The following PPP1R9A variants were observed in gnomAD, a reference collection of about 807,000 sequenced individuals.
PPP1R9A encodes the protein neurabin-1.
A neutral mutation model predicts 141.9 loss-of-function variants in PPP1R9A; 59 were observed. The observed-to-expected ratio is 0.42, with a 90% CI of 0.34 to 0.52. The LOEUF (loss-of-function observed/expected upper bound fraction) is 0.52, where lower values mean the gene tolerates loss of function less well. Ranked by LOEUF, PPP1R9A falls within the 20% of genes least tolerant of loss-of-function variation. The pLI, the probability that PPP1R9A is intolerant of heterozygous loss-of-function variation, is 0.10. For synonymous variants in PPP1R9A, 500 were observed against 569.7 expected, an observed-to-expected ratio of 0.88 and a Z score of 1.74; for missense variants, 1,444 against 1,611.9, an observed-to-expected ratio of 0.90 and a Z score of 1.78.
At chr7:95,234,100 A>G (rs989666632) in intron 8 of PPP1R9A, among the ~76,000 whole-genome samples, 17 of 152,146 alleles carry the variant, frequency 1.1e-4, no homozygotes, top group African/African-American at 4.1e-4. Flanking sequence ...AGTTGAAAGC[A>G]TTCCCCGTGA....
intron 4 of PPP1R9A, among the ~76,000 whole-genome samples, chr7:95,122,331 G>T (rs1318107653): frequency 6.6e-6 from 1 of 152,044 alleles, no homozygotes; most frequent in East Asian, 1.9e-4. Flanking sequence ...ATTTTTAGTA[G>T]AGACGGGGTT....
Position 95,226,038 on chromosome 7 carries a change from C to T in PPP1R9A, c.2034C>T (p.Val678=), listed in dbSNP as rs1388336871. The T allele has an allele frequency of 6.2e-7, 1 of 1,613,542 alleles. No individual in the cohort carries two copies. Among genetic ancestry groups the T allele is most frequent in the Non-Finnish European group, 8.5e-7 (1 of 1,179,716 alleles). ...CTGGCAGCGACATGGCCATTGAAGT[C>T]TTTGAGCTGCCTGAGAATGAGGACA... ...VLPGSDMAIE[V]FELPENEDMF... Residue 678 remains valine, a synonymous_variant, in exon 8 of 20, where the codon GTC becomes GTT. Transcript: ENST00000433360.
intron 3 of PPP1R9A, among the ~76,000 whole-genome samples, chr7:95,118,597 G>C (rs1253145442): frequency 6.6e-6 from 1 of 152,074 alleles, no homozygotes; most frequent in Non-Finnish European, 1.5e-5. Context: ...AAGATTGTCA[G>C]GTGTACTTGG....
chr7:95,058,443 C>T (rs1318548566), intron 2 of PPP1R9A, among the ~76,000 whole-genome samples: 2 of 152,010 alleles, frequency 1.3e-5, no homozygotes, highest in Non-Finnish European at 2.9e-5. Context: ...GTAAATGAGA[C>T]TAAAGGGGAG....
intron 2 of PPP1R9A, among the ~76,000 whole-genome samples, chr7:94,923,924 A>G (rs1793143365): frequency 6.6e-6 from 1 of 152,218 alleles, no homozygotes; most frequent in South Asian, 2.1e-4. Context: ...TCCTAATTAA[A>G]TTGCCTTACA....
At chr7:94,946,474 C>G (rs949382909) in intron 2 of PPP1R9A, among the ~76,000 whole-genome samples, 1 of 151,916 alleles carries the variant, frequency 6.6e-6, no homozygotes, top group Non-Finnish European at 1.5e-5. Flanking sequence ...GGATATAACA[C>G]AGTGGCCAAT....
intron 2 of PPP1R9A, among the ~76,000 whole-genome samples, chr7:95,075,386 A>G (rs187189439): frequency 2.3e-3 from 350 of 152,324 alleles, no homozygotes; most frequent in Middle Eastern, 6.8e-3. Context: ...TCTTAAGTTC[A>G]GAGTCTAGAA....
intron 5 of PPP1R9A, among the ~76,000 whole-genome samples, chr7:95,176,685 C>G (rs149662381): frequency 0.013 from 2,019 of 151,320 alleles, 33 homozygotes; most frequent in African/African-American, 0.046. Flanking sequence ...AACCCCAAAA[C>G]TTCACAAAAC....
chr7:94,957,345 G>T (rs147908428), intron 2 of PPP1R9A, among the ~76,000 whole-genome samples: 48 of 152,152 alleles, frequency 3.2e-4, no homozygotes, highest in African/African-American at 9.9e-4. Flanking sequence ...ATGTTTCTGA[G>T]TTCAATCCTG....
At chr7:95,206,470 T>A (rs893668682) in intron 7 of PPP1R9A, among the ~76,000 whole-genome samples, 1 of 152,170 alleles carries the variant, frequency 6.6e-6, no homozygotes, top group Non-Finnish European at 1.5e-5. Context: ...TGAGTAATAA[T>A]TTACATACAA....
intron 2 of PPP1R9A, among the ~76,000 whole-genome samples, chr7:95,056,507 G>A (rs918407259): frequency 2.6e-5 from 4 of 152,118 alleles, no homozygotes; most frequent in Admixed American, 6.5e-5. Flanking sequence ...GGTTAATGAA[G>A]TGTTGCATTC....
At chr7:95,043,361 A>G (rs942669049) in intron 2 of PPP1R9A, among the ~76,000 whole-genome samples, 2 of 152,220 alleles carry the variant, frequency 1.3e-5, no homozygotes, top group African/African-American at 4.8e-5. Context: ...CTATAAAATT[A>G]AAATATTTTG....
At chr7:95,044,263 C>A (rs1290229730) in intron 2 of PPP1R9A, among the ~76,000 whole-genome samples, 5 of 152,186 alleles carry the variant, frequency 3.3e-5, no homozygotes, top group African/African-American at 1.2e-4. Context: ...AATGAGCCAC[C>A]TGAAGGGACT....
chr7:95,061,704 C>T (rs1193731442), intron 2 of PPP1R9A, among the ~76,000 whole-genome samples: 2 of 152,078 alleles, frequency 1.3e-5, no homozygotes, highest in African/African-American at 4.8e-5. Flanking sequence ...CCACTGCCCT[C>T]CAGCTGGGTG....
chr7:95,213,320 C>CTTTTT, intron 7 of PPP1R9A, among the ~76,000 whole-genome samples: 1 of 129,140 alleles, frequency 7.7e-6, no homozygotes, highest in Non-Finnish European at 1.6e-5. Flanking sequence ...CTTTCTCTTT[C>CTTTTT]TTTTTTTTTT....
chr7:95,016,413 G>T (rs1263024221), intron 2 of PPP1R9A, among the ~76,000 whole-genome samples: 3 of 151,972 alleles, frequency 2.0e-5, no homozygotes, highest in African/African-American at 7.2e-5. Context: ...ACATTGAAAA[G>T]CTGGTAATTA....
At chr7:95,087,933 G>C (rs1172580181) in intron 2 of PPP1R9A, among the ~76,000 whole-genome samples, 1 of 151,240 alleles carries the variant, frequency 6.6e-6, no homozygotes. Flanking sequence ...AAGGAATCAT[G>C]AAAGGGAATT....
chr7:95,276,239 G>A (rs1365851028), intron 16 of PPP1R9A, among the ~76,000 whole-genome samples: 4 of 152,150 alleles, frequency 2.6e-5, no homozygotes, highest in African/African-American at 7.2e-5. Flanking sequence ...GTGAGCACCT[G>A]CAGCCAGAAA....
At chr7:95,094,345 T>C (rs2051700) in intron 2 of PPP1R9A, among the ~76,000 whole-genome samples, 151,440 of 152,290 alleles carry the variant, frequency 0.99, 75,298 homozygotes, top group East Asian at 1. Context: ...ATACAGAATT[T>C]GGAAAGTACA....
Sources: gnomAD v4.1 joint callset for allele counts (sites outside exome capture counted in the v4.1 genomes callset) on GRCh38, gnomAD v4.1.1 for gene constraint, MANE v1.5 for transcripts, NCBI Gene and HGNC (gene_info 2026-07-23, HGNC 2026-07-21) for gene names.